The following STT3B variants were observed in gnomAD, a reference collection of about 807,000 sequenced individuals.
STT3B encodes dolichyl-diphosphooligosaccharide--protein glycosyltransferase subunit STT3B.
Under a neutral mutation model 96.8 loss-of-function variants are expected in STT3B, and 29 were observed. The observed-to-expected ratio is 0.30, with a 90% CI of 0.22 to 0.41. The LOEUF (loss-of-function observed/expected upper bound fraction) is 0.41, where lower values mean the gene tolerates loss of function less well. Ranked by LOEUF, STT3B falls within the 10% of genes least tolerant of loss-of-function variation. The probability of loss-of-function intolerance (pLI) is 1.00; values close to 1 mark genes in which losing one functional copy is unlikely to be tolerated. For synonymous variants in STT3B, 367 were observed against 360.0 expected (o/e 1.02, Z -0.22); for missense variants, 640 against 1,022.3 (o/e 0.63, Z 5.10).
At chr3:31,582,257 C>T (rs1267742433) in intron 3 of STT3B, among the ~76,000 whole-genome samples, 3 of 147,372 alleles carry the variant, frequency 2.0e-5, no homozygotes, top group Non-Finnish European at 4.5e-5. Flanking sequence ...TCAATTTTGT[C>T]TTTCTGGAAG....
At chr3:31,549,695 CTAATT>C (rs1393122492) in intron 1 of STT3B, among the ~76,000 whole-genome samples, 7 of 151,766 alleles carry the variant, frequency 4.6e-5, no homozygotes, top group Admixed American at 3.9e-4. Flanking sequence ...AATCATATGT[CTAATT>C]TAGATAATAT....
intron 13 of STT3B, among the ~76,000 whole-genome samples, chr3:31,627,426 C>G (rs1699560662): frequency 6.6e-6 from 1 of 152,202 alleles, no homozygotes; most frequent in South Asian, 2.1e-4. Context: ...AAACTGGTCT[C>G]TGGTGCCAAA....
intron 3 of STT3B, among the ~76,000 whole-genome samples, chr3:31,589,948 CTGTT>C (rs1274732450): frequency 2.0e-5 from 3 of 152,020 alleles, no homozygotes; most frequent in East Asian, 3.9e-4. Context: ...TCTTCTTTAA[CTGTT>C]TGTTTGGCAG....
intron 1 of STT3B, among the ~76,000 whole-genome samples, chr3:31,546,754 A>G (rs113772205): frequency 2.6e-5 from 4 of 152,308 alleles, no homozygotes; most frequent in African/African-American, 9.6e-5. Context: ...GGTTATATGT[A>G]TATGTATTTT....
chr3:31,588,391 AG>A (rs1287070838), intron 3 of STT3B, among the ~76,000 whole-genome samples: 3 of 152,150 alleles, frequency 2.0e-5, no homozygotes, highest in Non-Finnish European at 4.4e-5. Context: ...CTAGAAACAG[AG>A]GACCTCATAA....
At chr3:31,613,222 AT>A (rs1287049537) in intron 5 of STT3B, among the ~76,000 whole-genome samples, 8 of 152,106 alleles carry the variant, frequency 5.3e-5, no homozygotes, top group Middle Eastern at 6.8e-3. Flanking sequence ...TTTCACCTCA[AT>A]TTTTTTAAGA....
chr3:31,631,464 C>G (rs1699664259), intron 14 of STT3B, among the ~76,000 whole-genome samples: 1 of 152,150 alleles, frequency 6.6e-6, no homozygotes, highest in Non-Finnish European at 1.5e-5. Context: ...GTTGAAGGAC[C>G]TTTTTCTTCC....
At chr3:31,597,448 A>G (rs1294838299) in intron 4 of STT3B, among the ~76,000 whole-genome samples, 1 of 151,446 alleles carries the variant, frequency 6.6e-6, no homozygotes, top group Non-Finnish European at 1.5e-5. Context: ...ATGAGCCACC[A>G]TGCCTGGCCT....
intron 5 of STT3B, among the ~76,000 whole-genome samples, chr3:31,609,180 TA>T: frequency 6.6e-6 from 1 of 152,322 alleles, no homozygotes; most frequent in South Asian, 2.1e-4. Context: ...TGACTTGTGG[TA>T]ACAGGATTTG....
intron 1 of STT3B, among the ~76,000 whole-genome samples, chr3:31,549,388 G>A (rs1697496178): frequency 6.6e-6 from 1 of 151,696 alleles, no homozygotes; most frequent in South Asian, 2.1e-4. Context: ...TCTCAGGCCT[G>A]TATACATTGC....
At chr3:31,545,572 A>G (rs1697386129) in intron 1 of STT3B, among the ~76,000 whole-genome samples, 1 of 152,196 alleles carries the variant, frequency 6.6e-6, no homozygotes, top group African/African-American at 2.4e-5. Flanking sequence ...CTAGCCAACC[A>G]CAAAACCAGA....
chr3:31,601,741 G>A (rs543082074), intron 5 of STT3B, among the ~76,000 whole-genome samples: 6 of 152,052 alleles, frequency 3.9e-5, no homozygotes, highest in South Asian at 2.1e-4. Context: ...TACATGATAG[G>A]TTATTAAAAG....
intron 5 of STT3B, among the ~76,000 whole-genome samples, chr3:31,608,796 C>T (rs7433833): frequency 0.57 from 86,721 of 152,084 alleles, 27,661 homozygotes; most frequent in Non-Finnish European, 0.72. Flanking sequence ...ATTTAGGAGC[C>T]TACTACAGTA....
intron 1 of STT3B, among the ~76,000 whole-genome samples, chr3:31,572,079 A>C (rs1272018778): frequency 7.0e-6 from 1 of 141,958 alleles, no homozygotes; most frequent in East Asian, 2.0e-4. Flanking sequence ...AAATATATTA[A>C]TATATAAGTA....
Position 31,633,096 on chromosome 3 carries a change from C to A in STT3B, c.2349C>A (p.His783Gln), listed in dbSNP as rs778960864. The change falls in exon 15 of 16, where the codon CAC (histidine) becomes CAA (glutamine). Residue 783 changes from histidine (H) to glutamine (Q), a missense_variant. By Grantham distance (24) the His-to-Gln change is conservative (BLOSUM62 0). Transcript: ENST00000295770. Reference protein sequence around the residue: ...KAPDNRETLDHKPRVTNIFPK... With the variant: ...KAPDNRETLDQKPRVTNIFPK... ...CTGATAACAGGGAGACATTAGATCA[C>A]AAACCTCGAGTCACCAACATTTTCC... 4 of 1,614,020 alleles carry A rather than the reference C, an allele frequency of 2.5e-6. No individual in the cohort carries two copies. In the Admixed American group the frequency reaches 6.7e-5, roughly 27 times the overall value.
At chr3:31,579,732 A>G (rs887091953) in intron 2 of STT3B, 77 bp from the exon 3 acceptor site, 3 of 1,064,464 alleles carry the variant, frequency 2.8e-6, no homozygotes, top group Middle Eastern at 2.6e-4. Flanking sequence ...ACAAAATGTA[A>G]TGATGAAGAG....
At chr3:31,554,403 A>G (rs1256135339) in intron 1 of STT3B, among the ~76,000 whole-genome samples, 1 of 152,120 alleles carries the variant, frequency 6.6e-6, no homozygotes, top group East Asian at 1.9e-4. Flanking sequence ...AACTAGTACT[A>G]TCTCTCGTTG....
chr3:31,575,913 G>T (rs1046823454), intron 1 of STT3B, among the ~76,000 whole-genome samples: 1 of 151,638 alleles, frequency 6.6e-6, no homozygotes, highest in Non-Finnish European at 1.5e-5. Flanking sequence ...TTTCTCATTT[G>T]TCTCAGAAAT....
intron 1 of STT3B, among the ~76,000 whole-genome samples, chr3:31,562,744 TCA>T (rs912292104): frequency 2.6e-5 from 4 of 152,114 alleles, no homozygotes; most frequent in African/African-American, 9.7e-5. Context: ...AGGTAAAAAT[TCA>T]CAGTCGCCCT....
Sources: allele counts gnomAD v4.1 joint callset (sites outside exome capture counted in the v4.1 genomes callset), GRCh38; gene constraint gnomAD v4.1.1; transcripts MANE v1.5; gene names NCBI Gene and HGNC (gene_info 2026-07-23, HGNC 2026-07-21).